The following HECW2 variants were observed in gnomAD, a reference collection of about 807,000 sequenced individuals.
The protein encoded by HECW2 is HECT, C2 and WW domain containing E3 ubiquitin protein ligase 2.
Under a neutral mutation model 175.2 loss-of-function variants are expected in HECW2, and 61 were observed. The observed-to-expected ratio is 0.35, with a 90% CI of 0.28 to 0.43. HECW2 has a LOEUF of 0.43. Ranked by LOEUF, HECW2 falls within the 20% of genes least tolerant of loss-of-function variation. HECW2 has a pLI of 1.00. For missense variants in HECW2, 1,524 were observed against 2,000.5 expected (o/e 0.76, Z 4.54); for synonymous variants, 671 against 731.0 (o/e 0.92, Z 1.32).
At chr2:196,278,134 ATATATAT>A in intron 15 of HECW2, among the ~76,000 whole-genome samples, 1 of 86,422 alleles carries the variant, frequency 1.2e-5, no homozygotes, top group South Asian at 5.3e-4. Context: ...TAATTAAAAA[ATATATAT>A]ATATATATAT....
intron 1 of HECW2, among the ~76,000 whole-genome samples, chr2:196,467,366 AG>A (rs1459662187): frequency 1.3e-5 from 2 of 148,790 alleles, no homozygotes; most frequent in African/African-American, 4.9e-5. Flanking sequence ...GTATAGGATG[AG>A]GGGGAGGGAG....
At chr2:196,289,336 T>A (rs564488031) in intron 14 of HECW2, 10 of 152,342 alleles carry the variant, frequency 6.6e-5, no homozygotes, top group African/African-American at 2.4e-4. Context: ...AGCTTTGATG[T>A]TGCATTACAC....
chr2:196,530,990 T>G (rs1309158578), intron 1 of HECW2, among the ~76,000 whole-genome samples: 2 of 152,234 alleles, frequency 1.3e-5, no homozygotes, highest in Non-Finnish European at 2.9e-5. Flanking sequence ...GGCCAACTTC[T>G]ACTTCAGTTC....
At chr2:196,265,223 G>A (rs562962791) in intron 17 of HECW2, among the ~76,000 whole-genome samples, 2 of 152,310 alleles carry the variant, frequency 1.3e-5, no homozygotes, top group South Asian at 4.1e-4. Context: ...GGTGGCTCAC[G>A]CCTATAATCC....
intron 1 of HECW2, among the ~76,000 whole-genome samples, chr2:196,558,841 A>T (rs1349145136): frequency 6.6e-6 from 1 of 152,260 alleles, no homozygotes; most frequent in Non-Finnish European, 1.5e-5. Flanking sequence ...ATCAGAAGCT[A>T]CTTAAATCCT....
intron 1 of HECW2, among the ~76,000 whole-genome samples, chr2:196,502,211 T>C (rs1210281092): frequency 3.9e-5 from 6 of 152,246 alleles, no homozygotes; most frequent in Non-Finnish European, 8.8e-5. Flanking sequence ...TTTTCTATAA[T>C]GTATTTCTTA....
At chr2:196,566,699 A>ATTTTTTTTTTTT (rs58391487) in intron 1 of HECW2, among the ~76,000 whole-genome samples, 15 of 94,198 alleles carry the variant, frequency 1.6e-4, no homozygotes, top group African/African-American at 3.3e-4. Flanking sequence ...CACCCAGCTA[A>ATTTTTTTTTTTT]TTTTTTTTTT....
In HECW2 at chr2:196,317,165, C is replaced by T. The variant is rs1422482035; in HGVS notation, c.2434+109G>A. On this transcript the variant is annotated intron_variant, in intron 10 of 28. Transcript: ENST00000644978. ...ATGTCAAGTGGCAACCCCCAGATTCCTTCCGCTTGAAGACCATGTATCCAT... is the reference window on the plus strand; with the variant it reads ...ATGTCAAGTGGCAACCCCCAGATTCTTTCCGCTTGAAGACCATGTATCCAT... 5 of 841,804 alleles carry T rather than the reference C, an allele frequency of 5.9e-6. No individual in the cohort carries two copies. The African/African-American group carries it at 6.7e-5, about 11-fold the overall frequency. The allele number at this position is 841,804 out of a possible 1,614,324, so 52.1% of individuals were successfully genotyped here. A position where few individuals can be genotyped will look rare whatever the true frequency, so the allele number is the denominator to read the frequency against.
intron 1 of HECW2, among the ~76,000 whole-genome samples, chr2:196,440,055 A>AG (rs1440690136): frequency 6.6e-6 from 1 of 152,218 alleles, no homozygotes; most frequent in Non-Finnish European, 1.5e-5. Context: ...AAACATTGAC[A>AG]GGGCTGAGAA....
chr2:196,223,997 G>C (rs1456408656), intron 23 of HECW2, among the ~76,000 whole-genome samples: 1 of 152,184 alleles, frequency 6.6e-6, no homozygotes, highest in African/African-American at 2.4e-5. Flanking sequence ...TAATTGCTGG[G>C]CTTGAGCACT....
chr2:196,495,696 A>C (rs1487400595), intron 1 of HECW2, among the ~76,000 whole-genome samples: 1 of 152,242 alleles, frequency 6.6e-6, no homozygotes, highest in Non-Finnish European at 1.5e-5. Flanking sequence ...CACTAGCTGT[A>C]TGACTTTGGA....
intron 14 of HECW2, chr2:196,291,715 C>G (rs1690610169): frequency 6.6e-6 from 1 of 152,236 alleles, no homozygotes; most frequent in Non-Finnish European, 1.5e-5. Flanking sequence ...CTGCCTGTCT[C>G]TGTGATGTCA....
chr2:196,572,170 G>A (rs903177118), intron 1 of HECW2, among the ~76,000 whole-genome samples: 8 of 152,090 alleles, frequency 5.3e-5, no homozygotes, highest in African/African-American at 1.9e-4. Flanking sequence ...AATGGGTACA[G>A]GGTTTCAGAA....
chr2:196,558,551 G>C (rs948669212), intron 1 of HECW2, among the ~76,000 whole-genome samples: 1 of 152,224 alleles, frequency 6.6e-6, no homozygotes, highest in Non-Finnish European at 1.5e-5. Context: ...CCATTTGAAC[G>C]TGATTAATTC....
chr2:196,510,251 C>G (rs1687899430), intron 1 of HECW2, among the ~76,000 whole-genome samples: 1 of 152,166 alleles, frequency 6.6e-6, no homozygotes, highest in African/African-American at 2.4e-5. Context: ...CACCATCAGG[C>G]CCTTAGGAAT....
intron 1 of HECW2, among the ~76,000 whole-genome samples, chr2:196,571,176 C>T (rs1382531580): frequency 1.3e-5 from 2 of 152,182 alleles, no homozygotes. Context: ...AAGGATTCAA[C>T]TAGGAATCAG....
chr2:196,567,173 G>A (rs973066223), intron 1 of HECW2, among the ~76,000 whole-genome samples: 9 of 152,118 alleles, frequency 5.9e-5, no homozygotes, highest in East Asian at 1.9e-4. Flanking sequence ...ATCTCTGACC[G>A]CACAGATGAC....
At position 196,319,057 on chromosome 2, in the gene HECW2, G is replaced by A. The variant is rs150165469; in HGVS notation, c.1833C>T (p.Ser611=). Residue 611 remains serine (S), a synonymous_variant, in exon 9 of 29, where the codon TCC becomes TCT. Coordinates refer to ENST00000644978, the MANE Select transcript of HECW2 (RefSeq NM_001348768.2). ...LDQGSEPSQV[S]SETEPSDPAR... is the part of the protein sequence containing the mutation. ...CAGGATCACTGGGTTCTGTTTCAGA[G>A]GACACCTGGGAAGGCTCAGAGCCCT... 8.1e-6 allele frequency: 13 copies of A among 1,612,748 alleles called. No individual in the cohort carries two copies. The highest frequency in any genetic ancestry group is 1.0e-5 in the Non-Finnish European group (12 of 1,179,502).
chr2:196,510,724 G>A (rs1687919517), intron 1 of HECW2, among the ~76,000 whole-genome samples: 1 of 151,728 alleles, frequency 6.6e-6, no homozygotes. Context: ...TTTTTATAAT[G>A]GTGTGATCAA....
Sources: gnomAD v4.1 joint callset for allele counts (sites outside exome capture counted in the v4.1 genomes callset) on GRCh38, gnomAD v4.1.1 for gene constraint, MANE v1.5 for transcripts, NCBI Gene and HGNC (gene_info 2026-07-23, HGNC 2026-07-21) for gene names.